TAF1: variants seen among roughly 807,000 people sequenced by gnomAD.
The protein encoded by TAF1 is transcription initiation factor TFIID subunit 1.
Under a neutral mutation model 138.5 loss-of-function variants are expected in TAF1, and 2 were observed. The observed-to-expected ratio is 0.01, with a 90% CI of 0.01 to 0.05. The LOEUF (loss-of-function observed/expected upper bound fraction) is 0.05, where lower values mean the gene tolerates loss of function less well. Ranked by LOEUF, TAF1 falls within the 10% of genes least tolerant of loss-of-function variation. The pLI is 1.00. For synonymous variants in TAF1, 437 were observed against 503.2 expected, an observed-to-expected ratio of 0.87 and a Z score of 1.76; for missense variants, 709 against 1,478.0, an observed-to-expected ratio of 0.48 and a Z score of 8.53.
At chrX:71,413,562 A>T (rs2035903304) in intron 28 of TAF1, among the ~76,000 whole-genome samples, 1 of 111,816 alleles carries the variant, frequency 8.9e-6, no homozygotes, top group Middle Eastern at 4.3e-3. Context: ...TACTTTCTCG[A>T]ATCATTTCCT....
chrX:71,388,563 T>C lies in TAF1; in HGVS notation c.2570-175T>C, dbSNP rs1361172736. 9 of 901,467 alleles carry C rather than the reference T, an allele frequency of 1.0e-5. No individual in the cohort carries two copies. In the East Asian group the frequency reaches 3.0e-4, roughly 30 times the overall value. 74.3% of individuals were successfully genotyped at this position (901,467 alleles called of 1,213,427 possible). A position where few individuals can be genotyped will look rare whatever the true frequency, so the allele number is the denominator to read the frequency against. ...GCTGCCAGGAAGTTTAATGTGATTG[T>C]TGGATATCTTCTATGAGTTGTAGGA... On this transcript the variant is annotated intron_variant, in intron 16 of 37. Transcript: ENST00000423759.
chrX:71,405,281 T>C (rs1933094978), intron 25 of TAF1, among the ~76,000 whole-genome samples: 1 of 110,475 alleles, frequency 9.1e-6, no homozygotes, highest in African/African-American at 3.3e-5. Flanking sequence ...TTGAATCACT[T>C]CTTTTTTTGT....
At chrX:71,422,498 G>A (rs867879869) in intron 29 of TAF1, among the ~76,000 whole-genome samples, 3 of 79,159 alleles carry the variant, frequency 3.8e-5, no homozygotes, top group African/African-American at 1.4e-4. Flanking sequence ...TTTTTTTTTT[G>A]TATTCTTAGT....
intron 33 of TAF1, 115 bp downstream of exon 33, chrX:71,454,352 C>T (rs1370160521): frequency 1.6e-6 from 1 of 615,077 alleles, no homozygotes; most frequent in South Asian, 3.3e-5. Context: ...ACGTGTGGTC[C>T]CAGCTACTCG....
At chrX:71,408,281 A>G (rs2035577687) in intron 28 of TAF1, 130 bp downstream of exon 28, 1 of 784,602 alleles carries the variant, frequency 1.3e-6, no homozygotes, top group African/African-American at 2.1e-5. Flanking sequence ...GGGTATGAAA[A>G]TCAGGTAATG....
chrX:71,428,079 G>A (rs1376256303), intron 32 of TAF1, among the ~76,000 whole-genome samples: 3 of 90,451 alleles, frequency 3.3e-5, no homozygotes, highest in Non-Finnish European at 6.4e-5. Flanking sequence ...GCAGTGGCGC[G>A]ATCTTGGCTC....
In TAF1 at chrX:71,464,011, A is replaced by G. The variant is rs755905249; in HGVS notation, c.5587A>G (p.Ile1863Val). The G allele has an allele frequency of 8.4e-6, 10 of 1,195,526 alleles. No individual in the cohort carries two copies. The Admixed American group carries it at 2.3e-4, about 27-fold the overall frequency. The change falls in exon 38 of 38, where the codon ATT (isoleucine) becomes GTT (valine). Residue 1863 changes from isoleucine (I) to valine (V), a missense_variant. Coordinates refer to ENST00000423759, the MANE Select transcript of TAF1 (RefSeq NM_004606.5). ...GGAGGACAGTGAGGATTTCCACTCC[A>G]TTGCTGGGGACAGTGACTTGGACTC... ...DEEDSEDFHS[I>V]AGDSDLDSDE
chrX:71,372,185 A>T (rs1346047235), intron 3 of TAF1, among the ~76,000 whole-genome samples: 1 of 110,860 alleles, frequency 9.0e-6, no homozygotes, highest in East Asian at 2.8e-4. Context: ...TAATCCCAGC[A>T]CTTTGGGAGG....
intron 12 of TAF1, 121 bp from the exon 13 acceptor site, chrX:71,383,841 T>C (rs1219686728): frequency 2.3e-6 from 2 of 879,079 alleles, no homozygotes; most frequent in Non-Finnish European, 3.1e-6. Context: ...TTGAAAATTT[T>C]GATTATGAAA....
intron 32 of TAF1, among the ~76,000 whole-genome samples, chrX:71,444,160 A>G (rs1358000272): frequency 9.1e-6 from 1 of 109,488 alleles, no homozygotes; most frequent in Non-Finnish European, 1.9e-5. Context: ...GGTGCCTGCT[A>G]TTACGCCTGG....
At chrX:71,396,242 C>T (rs1158233565) in intron 22 of TAF1, among the ~76,000 whole-genome samples, 2 of 107,869 alleles carry the variant, frequency 1.9e-5, no homozygotes, top group Admixed American at 1.0e-4. Flanking sequence ...CTTTAAGACT[C>T]GGAACTTGTT....
At chrX:71,424,979 G>A (rs2036529799) in intron 32 of TAF1, among the ~76,000 whole-genome samples, 2 of 111,670 alleles carry the variant, frequency 1.8e-5, no homozygotes, top group Admixed American at 1.9e-4. Context: ...TATAAAGATT[G>A]CTATTAGCCG....
intron 13 of TAF1, 43 bp downstream of exon 13, chrX:71,384,178 G>C: frequency 1.7e-6 from 2 of 1,181,296 alleles, no homozygotes; most frequent in Non-Finnish European, 2.3e-6. Context: ...ACATAATTCT[G>C]CTTATGCTTC....
chrX:71,376,686 A>C (rs1315653988), intron 4 of TAF1, among the ~76,000 whole-genome samples: 1 of 110,300 alleles, frequency 9.1e-6, no homozygotes, highest in Non-Finnish European at 1.9e-5. Context: ...AAAACAACAA[A>C]AAATCGGAAA....
At chrX:71,502,220 C>T (rs1213478632) in intron 13 of TAF1, among the ~76,000 whole-genome samples, 3 of 111,723 alleles carry the variant, frequency 2.7e-5, no homozygotes, top group African/African-American at 9.8e-5. Flanking sequence ...TTTAGCTAGA[C>T]ACACAGTGCT....
chrX:71,406,148 G>A (rs1479890736), intron 25 of TAF1, among the ~76,000 whole-genome samples: 1 of 109,538 alleles, frequency 9.1e-6, no homozygotes, highest in Non-Finnish European at 1.9e-5. Context: ...GACCAACATG[G>A]TGAGACCCTG....
intron 13 of TAF1, among the ~76,000 whole-genome samples, chrX:71,501,682 G>T (rs766424253): frequency 2.2e-4 from 25 of 111,552 alleles, no homozygotes; most frequent in African/African-American, 7.8e-4. Flanking sequence ...AGCGGAAGCT[G>T]GTTCCAGTAA....
intron 32 of TAF1, among the ~76,000 whole-genome samples, chrX:71,442,524 C>A (rs752290697): frequency 8.9e-6 from 1 of 111,817 alleles, no homozygotes; most frequent in South Asian, 3.7e-4. Flanking sequence ...TTGATTTTTT[C>A]TTGTAAATGT....
At chrX:71,428,965 G>A (rs927687391) in intron 32 of TAF1, among the ~76,000 whole-genome samples, 8 of 111,769 alleles carry the variant, frequency 7.2e-5, no homozygotes, top group African/African-American at 1.9e-4. Flanking sequence ...TATGTTTTCC[G>A]TGGTTTTTCC....
Sources: allele counts gnomAD v4.1 joint callset (sites outside exome capture counted in the v4.1 genomes callset), GRCh38; gene constraint gnomAD v4.1.1; transcripts MANE v1.5; gene names NCBI Gene and HGNC (gene_info 2026-07-23, HGNC 2026-07-21).